The following NCKAP5 variants were observed in gnomAD, a reference collection of about 807,000 sequenced individuals.
NCKAP5 encodes nck-associated protein 5.
Under a neutral mutation model 167.0 loss-of-function variants are expected in NCKAP5, and 92 were observed. That is an observed-to-expected ratio of 0.55 (90% CI 0.47 to 0.66). The LOEUF is 0.66. Among genes scored for constraint, NCKAP5 ranks in the 30% least tolerant of loss-of-function variants. The pLI is 0.00. For missense variants in NCKAP5, 2,378 were observed against 2,315.0 expected, an observed-to-expected ratio of 1.03 and a Z score of -0.56; for synonymous variants, 891 against 877.4, an observed-to-expected ratio of 1.02 and a Z score of -0.27.
At chr2:132,798,148 A>G (rs191530291) in intron 11 of NCKAP5, among the ~76,000 whole-genome samples, 30 of 152,276 alleles carry the variant, frequency 2.0e-4, no homozygotes, top group African/African-American at 7.2e-4. Flanking sequence ...AGGTAACCAG[A>G]ACCAATGCAT....
intron 13 of NCKAP5, 25 bp downstream of exon 13, chr2:132,789,998 T>C: frequency 1.3e-6 from 2 of 1,586,814 alleles, no homozygotes; most frequent in Non-Finnish European, 1.7e-6. Context: ...CTTTTCTGGT[T>C]CATTCCGATG....
At chr2:133,471,538 G>A (rs72846377) in intron 3 of NCKAP5, among the ~76,000 whole-genome samples, 39,180 of 151,814 alleles carry the variant, frequency 0.26, 5,523 homozygotes, top group African/African-American at 0.37. Flanking sequence ...GGGAGGGGAG[G>A]GGGGAAGCAA....
the NCKAP5 span, among the ~76,000 whole-genome samples, chr2:133,647,419 G>GGA: frequency 0.057 from 5,360 of 94,716 alleles, 467 homozygotes; most frequent in African/African-American, 0.11. Flanking sequence ...AAGGAAGGAA[G>GGA]AGAAAGAAAG....
At chr2:133,631,338 T>C in the NCKAP5 span, among the ~76,000 whole-genome samples, 1 of 152,214 alleles carries the variant, frequency 6.6e-6, no homozygotes, top group South Asian at 2.1e-4. Flanking sequence ...ACTTATGCAG[T>C]GTAAAGCAAG....
intron 16 of NCKAP5, among the ~76,000 whole-genome samples, chr2:132,741,250 CT>C (rs1223475441): frequency 1.3e-5 from 2 of 152,040 alleles, no homozygotes; most frequent in African/African-American, 4.8e-5. Flanking sequence ...CCAAACACTT[CT>C]AGATTTTTGC....
intron 11 of NCKAP5, among the ~76,000 whole-genome samples, chr2:132,804,679 G>A (rs755061680): frequency 6.6e-6 from 1 of 152,118 alleles, no homozygotes; most frequent in African/African-American, 2.4e-5. Context: ...CTTGCTCTGT[G>A]GGGGGAAGAG....
intron 6 of NCKAP5, among the ~76,000 whole-genome samples, chr2:133,084,931 G>T (rs1411854547): frequency 6.6e-6 from 1 of 152,172 alleles, no homozygotes; most frequent in Non-Finnish European, 1.5e-5. Flanking sequence ...TGATTACAAA[G>T]TTTAACAAAG....
intron 16 of NCKAP5, among the ~76,000 whole-genome samples, chr2:132,771,857 T>TGG (rs1193593417): frequency 2.0e-4 from 29 of 146,444 alleles, no homozygotes; most frequent in African/African-American, 7.3e-4. Flanking sequence ...TTTTTTTTTT[T>TGG]TTTTTTTGTA....
At chr2:133,470,613 G>T (rs552159679) in intron 3 of NCKAP5, among the ~76,000 whole-genome samples, 74 of 152,228 alleles carry the variant, frequency 4.9e-4, no homozygotes, top group African/African-American at 1.2e-3. Context: ...CCCCAGCCTC[G>T]CTGCCGCCTT....
At chr2:133,649,695 A>C in the NCKAP5 span, among the ~76,000 whole-genome samples, 1 of 152,190 alleles carries the variant, frequency 6.6e-6, no homozygotes, top group Admixed American at 6.5e-5. Flanking sequence ...ACACCTCTTA[A>C]TGATAAAACC....
chr2:132,978,311 G>A (rs920816195), intron 7 of NCKAP5, among the ~76,000 whole-genome samples: 2 of 152,156 alleles, frequency 1.3e-5, no homozygotes, highest in African/African-American at 4.8e-5. Flanking sequence ...GATTTCACCA[G>A]TAGCCATCTT....
chr2:132,784,323 G>A lies in NCKAP5; in HGVS notation c.2488C>T (p.Leu830=). The change falls in exon 14 of 20, where the codon CTG becomes TTG. Residue 830 remains leucine (L), a synonymous_variant. Coordinates refer to ENST00000409261, the MANE Select transcript of NCKAP5 (RefSeq NM_207363.3). ...GCTGGTGATTTTTCAAGAGTCACCAGGCCAGATGAAGGGAGTAGTGTGGTG... is the reference window on the plus strand; with the variant it reads ...GCTGGTGATTTTTCAAGAGTCACCAAGCCAGATGAAGGGAGTAGTGTGGTG... ...EATTLLPSSG[L]VTLEKSPALA... 6.2e-7 allele frequency: 1 copy of A among 1,614,038 alleles called. No individual in the cohort carries two copies. The highest frequency in any genetic ancestry group is 8.5e-7 in the Non-Finnish European group (1 of 1,179,896).
the NCKAP5 span, among the ~76,000 whole-genome samples, chr2:133,607,172 A>G: frequency 4.6e-5 from 7 of 152,218 alleles, no homozygotes; most frequent in Non-Finnish European, 1.0e-4. Context: ...ACTCTTTTTA[A>G]TTTGTAATAA....
chr2:132,717,945 C>T (rs1402584992), intron 19 of NCKAP5, among the ~76,000 whole-genome samples: 1 of 152,066 alleles, frequency 6.6e-6, no homozygotes, highest in Non-Finnish European at 1.5e-5. Context: ...ATCTATAGAC[C>T]CTACTGGGAT....
At chr2:132,909,475 G>A (rs1574596792) in intron 8 of NCKAP5, among the ~76,000 whole-genome samples, 1 of 151,904 alleles carries the variant, frequency 6.6e-6, no homozygotes, top group East Asian at 1.9e-4. Flanking sequence ...CTTATGCTAG[G>A]GTATTCAAAT....
At chr2:132,777,824 AT>A (rs1167532139) in intron 15 of NCKAP5, among the ~76,000 whole-genome samples, 1 of 152,174 alleles carries the variant, frequency 6.6e-6, no homozygotes, top group East Asian at 1.9e-4. Context: ...ATGGGATAGT[AT>A]TTGATGCTTT....
chr2:132,992,373 G>A (rs1342252881), intron 7 of NCKAP5, among the ~76,000 whole-genome samples: 1 of 152,282 alleles, frequency 6.6e-6, no homozygotes, highest in South Asian at 2.1e-4. Context: ...CTACACCACA[G>A]ATGTGGCTAA....
chr2:133,333,692 C>T (rs1377896876), intron 3 of NCKAP5: 1 of 152,196 alleles, frequency 6.6e-6, no homozygotes, highest in Non-Finnish European at 1.5e-5. Context: ...AATCAGACTG[C>T]ATTGCTGAAC....
chr2:132,964,277 A>G (rs2076598482), intron 7 of NCKAP5, among the ~76,000 whole-genome samples: 1 of 152,268 alleles, frequency 6.6e-6, no homozygotes. Flanking sequence ...GTCACTGGAC[A>G]TGCAGCCATT....
Sources: gnomAD v4.1 joint callset for allele counts (sites outside exome capture counted in the v4.1 genomes callset) on GRCh38, gnomAD v4.1.1 for gene constraint, MANE v1.5 for transcripts, NCBI Gene and HGNC (gene_info 2026-07-23, HGNC 2026-07-21) for gene names.